The following STON2 variants were observed in gnomAD, a reference collection of about 807,000 sequenced individuals.
The protein encoded by STON2 is stonin 2.
STON2 carries 29 observed loss-of-function variants against 65.7 expected under a neutral mutation model. The observed-to-expected ratio is 0.44, with a 90% CI of 0.33 to 0.60. STON2 has a LOEUF of 0.60. Among genes scored for constraint, STON2 ranks in the 20% least tolerant of loss-of-function variants. The pLI is 0.03. For synonymous variants in STON2, 404 were observed against 414.2 expected, an observed-to-expected ratio of 0.98 and a Z score of 0.30; for missense variants, 1,054 against 1,118.1, an observed-to-expected ratio of 0.94 and a Z score of 0.82.
At chr14:81,318,975 T>A (rs1438894505) in intron 5 of STON2, among the ~76,000 whole-genome samples, 1 of 152,256 alleles carries the variant, frequency 6.6e-6, no homozygotes. Context: ...AAGCTTAAAA[T>A]GAGCTTGCAC....
At chr14:81,330,322 C>T (rs1468763057) in intron 4 of STON2, among the ~76,000 whole-genome samples, 1 of 152,156 alleles carries the variant, frequency 6.6e-6, no homozygotes, top group African/African-American at 2.4e-5. Flanking sequence ...GTCATGGTGG[C>T]CACTCACAAG....
chr14:81,286,085 T>C (rs923468472), intron 5 of STON2, among the ~76,000 whole-genome samples: 3 of 152,028 alleles, frequency 2.0e-5, no homozygotes, highest in South Asian at 2.1e-4. Flanking sequence ...GAGGTGAAGG[T>C]TGCAGTGAGC....
chr14:81,298,416 G>GC lies in STON2; in HGVS notation c.743-19678_743-19677insG, dbSNP rs879902928. Reference sequence around the variant, plus strand: ...TCTAAAGCCTCAACTGCTTCAGATGGGGGGGGGGAATCACAGAATTTAAAA... The same window carrying GC: ...TCTAAAGCCTCAACTGCTTCAGATGGCGGGGGGGGAATCACAGAATTTAAAA... On this transcript the variant is annotated intron_variant, in intron 5 of 7. Transcript: ENST00000614646. Among the ~76,000 whole-genome samples the GC allele has an allele frequency of 7.5e-3, 366 of 48,564 alleles. 1 individual carries two copies. The highest frequency in any genetic ancestry group is 0.018 in the African/African-American group (334 of 18,854). The allele number at this position is 48,564 out of a possible 152,430, so 31.9% of individuals were successfully genotyped here.
At chr14:81,335,823 G>T (rs1417321429) in intron 4 of STON2, among the ~76,000 whole-genome samples, 1 of 152,178 alleles carries the variant, frequency 6.6e-6, no homozygotes, top group Non-Finnish European at 1.5e-5. Context: ...ATTTTGTTGA[G>T]TAGGAATTCA....
chr14:81,397,582 A>G (rs1415232457), intron 2 of STON2, among the ~76,000 whole-genome samples: 1 of 152,198 alleles, frequency 6.6e-6, no homozygotes, highest in Non-Finnish European at 1.5e-5. Context: ...TCTAGGTGTT[A>G]TAAATGACGG....
intron 1 of STON2, chr14:81,427,291 A>G (rs1337932409): frequency 6.6e-6 from 1 of 152,218 alleles, no homozygotes; most frequent in Non-Finnish European, 1.5e-5. Context: ...ACCTCTGCAA[A>G]GTGCCTGACC....
intron 3 of STON2, chr14:81,395,049 A>G (rs1900248265): frequency 6.6e-6 from 1 of 152,228 alleles, no homozygotes; most frequent in Non-Finnish European, 1.5e-5. Context: ...CAAGTCCTAC[A>G]GCTTTACTAA....
chr14:81,329,690 G>A (rs1036130564), intron 4 of STON2, among the ~76,000 whole-genome samples: 7 of 152,062 alleles, frequency 4.6e-5, no homozygotes, highest in Admixed American at 2.6e-4. Context: ...GCAGCCCTAG[G>A]AAACTAAAAC....
chr14:81,426,678 AC>A (rs1901990559), intron 2 of STON2, among the ~76,000 whole-genome samples: 2 of 152,312 alleles, frequency 1.3e-5, no homozygotes, highest in Middle Eastern at 6.8e-3. Flanking sequence ...CTCGCCCGAA[AC>A]ATCGAGTCAT....
At chr14:81,331,062 G>C (rs1197955255) in intron 4 of STON2, among the ~76,000 whole-genome samples, 1 of 152,216 alleles carries the variant, frequency 6.6e-6, no homozygotes, top group African/African-American at 2.4e-5. Flanking sequence ...TCCAGCTATG[G>C]GTCAAAAGCA....
upstream of STON2, among the ~76,000 whole-genome samples, chr14:81,404,967 C>T (rs931553658): frequency 2.0e-5 from 3 of 152,138 alleles, no homozygotes; most frequent in Non-Finnish European, 4.4e-5. Flanking sequence ...TATGTAATTA[C>T]TCATGCTTAT....
At chr14:81,337,916 T>A (rs997280225) in intron 4 of STON2, among the ~76,000 whole-genome samples, 2 of 151,890 alleles carry the variant, frequency 1.3e-5, no homozygotes, top group Non-Finnish European at 2.9e-5. Flanking sequence ...CTGGGCAACA[T>A]GGTGAGACTC....
intron 3 of STON2, among the ~76,000 whole-genome samples, chr14:81,377,272 A>G (rs761623949): frequency 1.3e-5 from 2 of 152,166 alleles, no homozygotes; most frequent in Admixed American, 6.5e-5. Flanking sequence ...GCATTATACA[A>G]CTTTTTAGGA....
Position 81,277,308 on chromosome 14 carries a change from T to G in STON2, c.2174A>C (p.Asp725Ala). The change falls in exon 6 of 8, where the codon GAT (aspartate) becomes GCT (alanine). Residue 725 changes from aspartate (D) to alanine (A), a missense_variant. Asp to Ala is a moderately radical substitution (Grantham distance 126). Coordinates refer to ENST00000614646, the MANE Select transcript of STON2 (RefSeq NM_001394390.1). ...NSRVILFNPL[D>A]ACRFELMRFR... ...CCGCATTAGCTCAAACCGGCACGCA[T>G]CCAAAGGGTTGAACAGAATGACCCG... The G allele has an allele frequency of 6.2e-7, 1 of 1,614,134 alleles. No individual in the cohort carries two copies. Among genetic ancestry groups the G allele is most frequent in the East Asian group, 2.2e-5 (1 of 44,874 alleles).
chr14:81,433,582 A>T (rs780990040), intron 1 of STON2, among the ~76,000 whole-genome samples: 23 of 152,230 alleles, frequency 1.5e-4, no homozygotes, highest in Non-Finnish European at 3.1e-4. Flanking sequence ...CATACCACGG[A>T]CAGCAGACTT....
At chr14:81,315,313 C>T (rs1280773573) in intron 5 of STON2, among the ~76,000 whole-genome samples, 2 of 152,214 alleles carry the variant, frequency 1.3e-5, no homozygotes, top group African/African-American at 4.8e-5. Context: ...CCTCACTCAA[C>T]ACCTCTTCAA....
intron 5 of STON2, among the ~76,000 whole-genome samples, chr14:81,290,259 C>T (rs974009304): frequency 3.9e-5 from 6 of 152,182 alleles, no homozygotes; most frequent in South Asian, 2.1e-4. Flanking sequence ...GCAAAGTCTT[C>T]GCCTTCACAG....
chr14:81,407,265 A>T (rs1017022927), intron 2 of STON2, among the ~76,000 whole-genome samples: 4 of 152,210 alleles, frequency 2.6e-5, no homozygotes, highest in Non-Finnish European at 4.4e-5. Context: ...ACTAGTTCAG[A>T]CATCTAAATA....
intron 3 of STON2, among the ~76,000 whole-genome samples, chr14:81,372,550 CAA>C (rs202208931): frequency 1.9e-4 from 18 of 95,860 alleles, no homozygotes; most frequent in Non-Finnish European, 1.1e-4. Flanking sequence ...AACCCTATCT[CAA>C]AAAAAAAAAA....
Sources: gnomAD v4.1 joint callset for allele counts (sites outside exome capture counted in the v4.1 genomes callset) on GRCh38, gnomAD v4.1.1 for gene constraint, MANE v1.5 for transcripts, NCBI Gene and HGNC (gene_info 2026-07-23, HGNC 2026-07-21) for gene names.